NBEA: variants seen among roughly 807,000 people sequenced by gnomAD.
NBEA encodes the protein lysosomal-trafficking regulator 2.
NBEA carries 44 observed loss-of-function variants against 343.4 expected under a neutral mutation model. That is an observed-to-expected ratio of 0.13 (90% confidence interval 0.10 to 0.16). The LOEUF (loss-of-function observed/expected upper bound fraction) is 0.16. NBEA is among the 10% of genes least tolerant of loss of function. The probability of loss-of-function intolerance (pLI) is 1.00; values close to 1 mark genes in which losing one functional copy is unlikely to be tolerated. For missense variants in NBEA, 2,555 were observed against 3,631.3 expected, an observed-to-expected ratio of 0.70 and a Z score of 7.62; for synonymous variants, 1,175 against 1,238.7, an observed-to-expected ratio of 0.95 and a Z score of 1.08.
intron 34 of NBEA, among the ~76,000 whole-genome samples, chr13:35,234,109 A>G (rs537960130): frequency 6.6e-6 from 1 of 152,274 alleles, no homozygotes; most frequent in Non-Finnish European, 1.5e-5. Context: ...GTGAACCAGA[A>G]GGACAGTAGT....
At chr13:35,135,316 T>C (rs982104077) in intron 17 of NBEA, among the ~76,000 whole-genome samples, 37 of 152,074 alleles carry the variant, frequency 2.4e-4, no homozygotes, top group Admixed American at 2.3e-3. Flanking sequence ...TCCTGATAGA[T>C]TGAAGAAGAT....
chr13:35,318,078 T>G (rs148785481), intron 36 of NBEA, among the ~76,000 whole-genome samples: 2 of 151,882 alleles, frequency 1.3e-5, no homozygotes, highest in African/African-American at 4.8e-5. Flanking sequence ...TCTTCCTATT[T>G]GAATACGCTT....
chr13:35,164,251 T>C (rs185891046), intron 23 of NBEA, 105 bp from the exon 24 acceptor site: 1 of 931,016 alleles, frequency 1.1e-6, no homozygotes, highest in East Asian at 2.9e-5. Context: ...ATTTTAAATA[T>C]AGCTAGCTCC....
intron 40 of NBEA, among the ~76,000 whole-genome samples, chr13:35,462,934 G>A (rs567192269): frequency 1.3e-5 from 2 of 152,158 alleles, no homozygotes; most frequent in Non-Finnish European, 2.9e-5. Flanking sequence ...GTCTTCTGTG[G>A]GTGGGAGATG....
intron 35 of NBEA, among the ~76,000 whole-genome samples, chr13:35,308,464 A>C (rs866896985): frequency 8.3e-6 from 1 of 120,814 alleles, no homozygotes; most frequent in Non-Finnish European, 1.6e-5. Flanking sequence ...ATATATATAT[A>C]TATATATATG....
intron 39 of NBEA, among the ~76,000 whole-genome samples, chr13:35,437,365 A>C (rs1483637246): frequency 6.6e-6 from 1 of 152,152 alleles, no homozygotes; most frequent in Non-Finnish European, 1.5e-5. Context: ...TTTCATATTT[A>C]CTTTGAAAAG....
chr13:35,441,054 C>T (rs1362353416), intron 39 of NBEA, among the ~76,000 whole-genome samples: 1 of 152,154 alleles, frequency 6.6e-6, no homozygotes, highest in Non-Finnish European at 1.5e-5. Context: ...TGTATCAGCA[C>T]CATCACTTAT....
chr13:35,574,413 G>GAAA (rs2080624391), intron 45 of NBEA, among the ~76,000 whole-genome samples: 2 of 105,064 alleles, frequency 1.9e-5, no homozygotes, highest in South Asian at 3.2e-4. Context: ...AAAAAAACAA[G>GAAA]GAAAGAAAAA....
rs548932131 is a variant in NBEA at position 35,230,530 on chromosome 13, ATTT to A, written c.5649-1959_5649-1957del. Among the ~76,000 whole-genome samples the A allele has an allele frequency of 1.6e-4, 24 of 152,114 alleles. No homozygotes were observed. The East Asian group carries it at 3.1e-3, about 20-fold the overall frequency. The stretch of plus-strand genomic sequence containing the variant: ...GAGCATCAGAAACTATTATATCTAG[ATTT>A]TTCTCCTTTTAATAAACTCACTCTT... On this transcript the variant is annotated intron_variant, in intron 33 of 58. Transcript: ENST00000379939.
intron 17 of NBEA, among the ~76,000 whole-genome samples, chr13:35,133,226 A>C (rs546995402): frequency 6.6e-6 from 1 of 152,200 alleles, no homozygotes; most frequent in South Asian, 2.1e-4. Context: ...TGAAGAGGAA[A>C]CTTGAGTTAG....
intron 30 of NBEA, chr13:35,185,666 A>G (rs554403358): frequency 2.0e-5 from 3 of 152,178 alleles, no homozygotes; most frequent in Non-Finnish European, 4.4e-5. Flanking sequence ...GCACGTTGTC[A>G]AGAAAGTCTT....
At chr13:35,192,150 A>C (rs924444047) in intron 30 of NBEA, among the ~76,000 whole-genome samples, 1 of 152,048 alleles carries the variant, frequency 6.6e-6, no homozygotes, top group Non-Finnish European at 1.5e-5. Flanking sequence ...CCTGTGATTA[A>C]TATAACCTAC....
At chr13:35,431,700 T>TA (rs970067018) in intron 38 of NBEA, among the ~76,000 whole-genome samples, 8 of 152,204 alleles carry the variant, frequency 5.3e-5, no homozygotes, top group African/African-American at 1.4e-4. Flanking sequence ...TAATAATGGA[T>TA]AAAATTGCAT....
At chr13:35,003,048 C>G (rs566094345) in intron 1 of NBEA, among the ~76,000 whole-genome samples, 1 of 151,872 alleles carries the variant, frequency 6.6e-6, no homozygotes, top group African/African-American at 2.4e-5. Flanking sequence ...GTACAATGAA[C>G]GAAGAATGCA....
At chr13:35,164,984 G>A (rs540491098) in intron 24 of NBEA, 8 of 454,188 alleles carry the variant, frequency 1.8e-5, no homozygotes, top group African/African-American at 1.4e-4. Flanking sequence ...TGTTAACTTT[G>A]TATTTTAGTT....
At chr13:35,088,657 C>A (rs925518589) in intron 10 of NBEA, among the ~76,000 whole-genome samples, 2 of 151,810 alleles carry the variant, frequency 1.3e-5, no homozygotes, top group Non-Finnish European at 2.9e-5. Context: ...AGTATACAAA[C>A]TTTTTTTAAA....
rs1334970145 is a variant in NBEA, at chr13:35,211,013, A to C, written c.5522-40A>C. On this transcript the variant is annotated intron_variant, in intron 32 of 58. Coordinates refer to ENST00000379939, the MANE Select transcript of NBEA (RefSeq NM_001385012.1). ...GGTGTAATTAAAATTTTTTTAAATA[A>C]ATTTATGTTTAAGGCTAAAAATTAT... The C allele has an allele frequency of 3.3e-6, 5 of 1,530,596 alleles. No individual in the cohort carries two copies. The South Asian group carries it at 6.3e-5, about 19-fold the overall frequency. The allele number at this position is 1,530,596 out of a possible 1,614,324, so 94.8% of individuals were successfully genotyped here. A position where few individuals can be genotyped will look rare whatever the true frequency, so the allele number is the denominator to read the frequency against.
intron 38 of NBEA, among the ~76,000 whole-genome samples, chr13:35,406,297 CTT>C (rs10638454): frequency 1.0e-3 from 149 of 144,150 alleles, no homozygotes; most frequent in East Asian, 2.2e-3. Flanking sequence ...TCAGCCAAAT[CTT>C]TTTTTTTTTT....
intron 40 of NBEA, among the ~76,000 whole-genome samples, chr13:35,468,647 A>T (rs1417022748): frequency 3.3e-5 from 5 of 151,762 alleles, no homozygotes; most frequent in Non-Finnish European, 7.4e-5. Flanking sequence ...AAGTCACCCC[A>T]TGGTACTTAT....
Sources: gnomAD v4.1 joint callset for allele counts (sites outside exome capture counted in the v4.1 genomes callset) on GRCh38, gnomAD v4.1.1 for gene constraint, MANE v1.5 for transcripts, NCBI Gene and HGNC (gene_info 2026-07-23, HGNC 2026-07-21) for gene names.